SNX31: variants seen among roughly 807,000 people sequenced by gnomAD.
SNX31 encodes sorting nexin 31.
Under a neutral mutation model 65.4 loss-of-function variants are expected in SNX31, and 58 were observed. The observed-to-expected ratio is 0.89, with a 90% confidence interval of 0.72 to 1.10. The LOEUF is 1.10. Among genes scored for constraint, SNX31 ranks in the 50% least tolerant of loss-of-function variants. SNX31 has a pLI of 0.00. For missense variants in SNX31, 523 were observed against 529.7 expected (o/e 0.99, Z 0.12); for synonymous variants, 181 against 190.1 (o/e 0.95, Z 0.39).
In SNX31 at chr8:100,630,883, G is replaced by A. The variant is rs1818366052; in HGVS notation, c.257-492C>T. 6.6e-6 allele frequency among the ~76,000 whole-genome samples: 1 copy of A among 152,152 alleles called. No homozygotes were observed. The highest frequency in any genetic ancestry group is 1.5e-5 in the Non-Finnish European group (1 of 68,032). ...GCTCACTGCAATGTCCGTCTCCTGG[G>A]TTAAGACGATTCTCTTGCCTCAGCC... On this transcript the variant is annotated intron_variant, in intron 3 of 13. Coordinates refer to ENST00000311812, the MANE Select transcript of SNX31 (RefSeq NM_152628.4). The surrounding 1 kb of genome is among the most constrained non-coding windows in gnomAD (Gnocchi z 5.3).
intron 9 of SNX31, among the ~76,000 whole-genome samples, chr8:100,598,071 C>T (rs532458662): frequency 1.1e-4 from 16 of 152,278 alleles, no homozygotes; most frequent in African/African-American, 3.9e-4. Flanking sequence ...ACAAGGACTC[C>T]GGAGGCGTTC....
chr8:100,615,631 G>A lies in SNX31; in HGVS notation c.432+1989C>T, dbSNP rs112257940. Among the ~76,000 whole-genome samples, 5 of 152,324 alleles carry A rather than the reference G, an allele frequency of 3.3e-5. No individual in the cohort carries two copies. In the East Asian group the frequency reaches 7.7e-4, roughly 23 times the overall value. On this transcript the variant is annotated intron_variant, in intron 5 of 13. Transcript: ENST00000311812. ...TGCCTGCTATACACCTAGGCTAGAC[G>A]GTATGGCCCGCTGTTCCCAGGCTAC...
intron 11 of SNX31, among the ~76,000 whole-genome samples, chr8:100,586,198 G>T (rs1028338237): frequency 3.9e-5 from 6 of 152,188 alleles, no homozygotes; most frequent in Non-Finnish European, 7.3e-5. Context: ...TGGGATTACA[G>T]GCATGAGCCA....
intron 10 of SNX31, among the ~76,000 whole-genome samples, chr8:100,590,739 G>A (rs879630403): frequency 5.3e-5 from 8 of 152,162 alleles, no homozygotes; most frequent in South Asian, 2.1e-4. Context: ...CTGAGATTGC[G>A]CCACTGCACT....
chr8:100,657,699 G>A (rs1820074136), intron 1 of SNX31: 1 of 455,972 alleles, frequency 2.2e-6, no homozygotes, highest in Non-Finnish European at 4.4e-6. Context: ...GTGAAGATCA[G>A]GGTCACGGGA....
In SNX31 at chr8:100,609,883, C is replaced by G. The variant is rs9649992; in HGVS notation, c.612-1320G>C. The stretch of plus-strand genomic sequence containing the variant: ...CCCTGTGGCCTGGAGGAAGCCATAT[C>G]ATCATCATTGGAGAGATGCACCCAG... On this transcript the variant is annotated intron_variant, in intron 7 of 13. Transcript: ENST00000311812. This position sits in a 1 kb window ranked among gnomAD's most constrained non-coding sequence, Gnocchi z 4.9. Among the ~76,000 whole-genome samples the G allele has an allele frequency of 0.32, 48,256 of 152,116 alleles. 8,002 individuals are homozygous for G. The highest frequency in any genetic ancestry group is 0.36 in the South Asian group (1,742 of 4,824).
intron 2 of SNX31, among the ~76,000 whole-genome samples, chr8:100,636,347 C>T (rs527857119): frequency 6.6e-5 from 10 of 152,320 alleles, no homozygotes; most frequent in African/African-American, 2.4e-4. Context: ...ACAACAGTGT[C>T]TGTGATATCA....
At chr8:100,645,938 T>C (rs902025706) in intron 2 of SNX31, among the ~76,000 whole-genome samples, 1 of 152,056 alleles carries the variant, frequency 6.6e-6, no homozygotes, top group Non-Finnish European at 1.5e-5. Flanking sequence ...AAAATGAGAA[T>C]GATGATGATG....
upstream of SNX31, among the ~76,000 whole-genome samples, chr8:100,650,620 T>A (rs1188515794): frequency 2.6e-5 from 4 of 152,188 alleles, no homozygotes; most frequent in Non-Finnish European, 5.9e-5. Flanking sequence ...GCGTGCTTGC[T>A]GGGTGCCAGG....
chr8:100,659,583 A>G (rs1417600803), intron 1 of SNX31, among the ~76,000 whole-genome samples: 1 of 151,922 alleles, frequency 6.6e-6, no homozygotes, highest in Non-Finnish European at 1.5e-5. Context: ...GAACAAAGGT[A>G]GCAACTCCAT....
At chr8:100,620,866 G>A (rs1817633364) in intron 4 of SNX31, among the ~76,000 whole-genome samples, 1 of 152,216 alleles carries the variant, frequency 6.6e-6, no homozygotes, top group African/African-American at 2.4e-5. Context: ...TTGGGAGGCT[G>A]AGGTGGGCGG....
chr8:100,581,347 A>ATCTATATC (rs1166844945), intron 12 of SNX31, among the ~76,000 whole-genome samples: 2 of 146,912 alleles, frequency 1.4e-5, no homozygotes, highest in African/African-American at 5.0e-5. Flanking sequence ...CTATATATAT[A>ATCTATATC]TATATATATA....
chr8:100,644,428 C>A (rs548303851), intron 2 of SNX31, among the ~76,000 whole-genome samples: 9 of 152,156 alleles, frequency 5.9e-5, no homozygotes, highest in African/African-American at 2.2e-4. Context: ...GTGGTGCCAG[C>A]AAGAGCAGGG....
chr8:100,616,167 C>T (rs906927395), intron 5 of SNX31, among the ~76,000 whole-genome samples: 5 of 152,192 alleles, frequency 3.3e-5, no homozygotes, highest in South Asian at 2.1e-4. Flanking sequence ...TTGACCGAAA[C>T]GTCATTATTA....
chr8:100,608,414 T>C lies in SNX31; in HGVS notation c.681+80A>G. The C allele has an allele frequency of 2.3e-6, 3 of 1,298,968 alleles. No individual in the cohort carries two copies. The South Asian group carries it at 3.6e-5, about 16-fold the overall frequency. The allele number at this position is 1,298,968 out of a possible 1,614,324, so 80.5% of individuals were successfully genotyped here. A position where few individuals can be genotyped will look rare whatever the true frequency, so the allele number is the denominator to read the frequency against. Reference sequence around the variant, plus strand: ...TAGGTGTGGAGGTAGAATTACTAACTGCCACATAATTTGTTTAGTGGCTCC... The same window carrying C: ...TAGGTGTGGAGGTAGAATTACTAACCGCCACATAATTTGTTTAGTGGCTCC... On this transcript the variant is annotated intron_variant, in intron 8 of 13. Coordinates refer to ENST00000311812, the MANE Select transcript of SNX31 (RefSeq NM_152628.4).
chr8:100,632,356 C>T (rs1250977371), intron 3 of SNX31, among the ~76,000 whole-genome samples: 2 of 152,024 alleles, frequency 1.3e-5, no homozygotes, highest in East Asian at 1.9e-4. Context: ...TGAACTTGAA[C>T]TTTGAAAGAG....
At chr8:100,635,064 C>T (rs1818666047) in intron 3 of SNX31, among the ~76,000 whole-genome samples, 1 of 151,692 alleles carries the variant, frequency 6.6e-6, no homozygotes, top group African/African-American at 2.4e-5. Context: ...GATCCTGTCT[C>T]AAAAAATAAA....
chr8:100,574,848 C>T (rs981310401), intron 13 of SNX31, among the ~76,000 whole-genome samples: 3 of 152,076 alleles, frequency 2.0e-5, no homozygotes, highest in African/African-American at 4.8e-5. Context: ...GCAGGAGGAT[C>T]GCTTGAACCT....
intron 10 of SNX31, among the ~76,000 whole-genome samples, chr8:100,592,235 A>G (rs2130873231): frequency 2.0e-5 from 3 of 152,336 alleles, no homozygotes; most frequent in Middle Eastern, 6.8e-3. Context: ...GGAAAATATA[A>G]AAAAGATCTA....
Sources: gnomAD v4.1 joint callset for allele counts (sites outside exome capture counted in the v4.1 genomes callset) on GRCh38, gnomAD v4.1.1 for gene constraint, Gnocchi (gnomAD v3.1) non-coding constraint, MANE v1.5 for transcripts, NCBI Gene and HGNC (gene_info 2026-07-23, HGNC 2026-07-21) for gene names.